The following NFATC4 variants were observed in gnomAD, a reference collection of about 807,000 sequenced individuals.
The protein encoded by NFATC4 is nuclear factor of activated T cells 4.
Under a neutral mutation model 73.4 loss-of-function variants are expected in NFATC4, and 25 were observed. The observed-to-expected ratio is 0.34, with a 90% CI of 0.25 to 0.48. The LOEUF (loss-of-function observed/expected upper bound fraction) is 0.48. Ranked by LOEUF, NFATC4 falls within the 20% of genes least tolerant of loss-of-function variation. The pLI is 0.99. For missense variants in NFATC4, 1,130 were observed against 1,203.7 expected, an observed-to-expected ratio of 0.94 and a Z score of 0.91; for synonymous variants, 523 against 510.3, an observed-to-expected ratio of 1.02 and a Z score of -0.34.
chr14:24,370,372 G>A lies in NFATC4; in HGVS notation c.974G>A (p.Ser325Asn), dbSNP rs764696807. The A allele has an allele frequency of 2.5e-6, 4 of 1,613,916 alleles. No homozygotes were observed. In the South Asian group the frequency reaches 4.4e-5, roughly 18 times the overall value. The part of the protein sequence containing the change: ...FDYVGAPPAE[S>N]IPQKTRRTSS... ...TATGTGGGGGCCCCACCAGCTGAGA[G>A]CATCCCTCAGAAGACACGGCGGACT... The change falls in exon 2 of 10, where the codon AGC becomes AAC. Residue 325 changes from serine (S) to asparagine (N), a missense_variant. Around this residue, in one of 3 missense-constraint regions of NFATC4, gnomAD observed 585 missense variants for 574.3 expected, o/e 1.02. Transcript: ENST00000250373.
chr14:24,377,972 T>A lies in NFATC4; in HGVS notation c.*267T>A. On this transcript the variant is annotated 3_prime_UTR_variant, in exon 10 of 10. Coordinates refer to ENST00000250373, the MANE Select transcript of NFATC4 (RefSeq NM_004554.5). This position sits in a 1 kb window ranked among gnomAD's most constrained non-coding sequence, Gnocchi z 4.2. Reference sequence around the variant, plus strand: ...GGCTAGGTGCCAGAATGGACTGGAGTGAAGGCGTGTCTAGAGTGTGGGCTG... The same window carrying A: ...GGCTAGGTGCCAGAATGGACTGGAGAGAAGGCGTGTCTAGAGTGTGGGCTG... 1 of 622,902 alleles carries A rather than the reference T, an allele frequency of 1.6e-6. No homozygotes were observed. Among genetic ancestry groups the A allele is most frequent in the Non-Finnish European group, 2.7e-6 (1 of 369,980 alleles). The allele number at this position is 622,902 out of a possible 1,614,324, so 38.6% of individuals were successfully genotyped here. A position where few individuals can be genotyped will look rare whatever the true frequency, so the allele number is the denominator to read the frequency against.
Position 24,369,787 on chromosome 14 carries a change from C to G in NFATC4, c.389C>G (p.Ala130Gly). 1 of 1,595,916 alleles carries G rather than the reference C, an allele frequency of 6.3e-7. No homozygotes were observed. Among genetic ancestry groups the G allele is most frequent in the South Asian group, 1.1e-5 (1 of 89,450 alleles). ...SISPTPEPPA[A>G]LEDNPDAWGD... Reference sequence around the variant, plus strand: ...TCTCCCACGCCGGAGCCGCCAGCAGCGCTGGAGGACAACCCTGATGCCTGG... The same window carrying G: ...TCTCCCACGCCGGAGCCGCCAGCAGGGCTGGAGGACAACCCTGATGCCTGG... The change falls in exon 2 of 10, where the codon GCG becomes GGG. Residue 130 changes from alanine to glycine, a missense_variant. This residue lies in a region of NFATC4 where 585 missense variants were observed against 574.3 expected (regional missense o/e 1.02). Coordinates refer to ENST00000250373, the MANE Select transcript of NFATC4 (RefSeq NM_004554.5).
In NFATC4 at chr14:24,377,310, T is replaced by G; in HGVS notation, c.2642-328T>G. On this transcript the variant is annotated intron_variant, in intron 9 of 9. Coordinates refer to ENST00000250373, the MANE Select transcript of NFATC4 (RefSeq NM_004554.5). This position sits in a 1 kb window ranked among gnomAD's most constrained non-coding sequence, Gnocchi z 4.2. ...GTGGTCAGGGTTGGTGAGGAGGAGC[T>G]TTCCTGTTTTGCCTCTCCTTCTTCC... 7.9e-7 allele frequency: 1 copy of G among 1,267,596 alleles called. No homozygotes were observed. The highest frequency in any genetic ancestry group is 9.9e-7 in the Non-Finnish European group (1 of 1,006,348). The allele number at this position is 1,267,596 out of a possible 1,614,324, so 78.5% of individuals were successfully genotyped here. A position where few individuals can be genotyped will look rare whatever the true frequency, so the allele number is the denominator to read the frequency against.
At position 24,376,231 on chromosome 14, in the gene NFATC4, G is replaced by A; in HGVS notation, c.2057-63G>A. ...CCTGGGAGGAGCAGGCAGCTGGAAG[G>A]TGTGCAGTGGGGAGACTACCAGACC... is the stretch of plus-strand genomic sequence containing the variant. On this transcript the variant is annotated intron_variant, in intron 8 of 9. Coordinates refer to ENST00000250373, the MANE Select transcript of NFATC4 (RefSeq NM_004554.5). This position sits in a 1 kb window ranked among gnomAD's most constrained non-coding sequence, Gnocchi z 5.0. 1 of 1,565,248 alleles carries A rather than the reference G, an allele frequency of 6.4e-7. No individual in the cohort carries two copies. Among genetic ancestry groups the A allele is most frequent in the Non-Finnish European group, 8.7e-7 (1 of 1,153,864 alleles).
At chr14:24,367,688 C>T (rs185408702), upstream of NFATC4, 3 of 1,532,422 alleles carry the variant, frequency 2.0e-6, no homozygotes, top group South Asian at 1.2e-5. Flanking sequence ...TTTCCTCTTC[C>T]GAGCAACTCG....
Position 24,368,414 on chromosome 14 carries a change from CGCTGGGCGCGGGGG to C in NFATC4, c.76_89del (p.Leu26IlefsTer106). 7.5e-7 allele frequency: 1 copy of C among 1,342,252 alleles called. No homozygotes were observed. The highest frequency in any genetic ancestry group is 2.2e-5 in the South Asian group (1 of 45,812). 83.1% of individuals were successfully genotyped at this position (1,342,252 alleles called of 1,614,324 possible). On this transcript the variant is annotated frameshift_variant, in exon 1 of 10. Transcript: ENST00000250373. LOFTEE classifies it high-confidence loss of function. ...TTCGGGGAGGAAAAGGAGGCCCCCC[CGCTGGGCGCGGGGG>C]GATTGGGGGAAGGTTAGTGCTGGGC...
At position 24,375,986 on chromosome 14, in the gene NFATC4, C is replaced by A. The variant is rs774361663; in HGVS notation, c.1941C>A (p.Thr647=). 6 of 1,613,990 alleles carry A rather than the reference C, an allele frequency of 3.7e-6. No homozygotes were observed. In the East Asian group the frequency reaches 6.7e-5, roughly 18 times the overall value. Residue 647 remains threonine, a synonymous_variant, in exon 8 of 10, where the codon ACC becomes ACA. Transcript: ENST00000250373. The part of the protein sequence containing the change: ...NRLQSNEVTL[T]LTVPEYSNKR... ...TTACTCTTCCCTAGGTGACGCTGACCCTGACTGTCCCCGAGTACAGCAACA... is the reference window on the plus strand; with the variant it reads ...TTACTCTTCCCTAGGTGACGCTGACACTGACTGTCCCCGAGTACAGCAACA...
At chr14:24,369,212 C>T in intron 1 of NFATC4, 1 of 1,531,022 alleles carries the variant, frequency 6.5e-7, no homozygotes, top group Non-Finnish European at 8.7e-7. Flanking sequence ...CAGGCCCAGC[C>T]CCAGCTCCAG....
rs1165677777 is a variant in NFATC4, at chr14:24,370,532, G to C, written c.1134G>C (p.Leu378=). The part of the protein sequence containing the change: ...SRKEVAGMDY[L]AVPSPLAWSK... ...AGGAGGTGGCTGGCATGGACTACCT[G>C]GCAGTGCCCTCCCCACTCGCTTGGT... The change falls in exon 2 of 10, where the codon CTG becomes CTC. Residue 378 remains leucine (L), a synonymous_variant. Transcript: ENST00000250373. 6.2e-7 allele frequency: 1 copy of C among 1,614,036 alleles called. No individual in the cohort carries two copies. The highest frequency in any genetic ancestry group is 1.7e-5 in the Admixed American group (1 of 60,020).
At chr14:24,375,759 G>GGGGGGGGGGGGCCC in intron 7 of NFATC4, 44 bp downstream of exon 7, 1 of 617,014 alleles carries the variant, frequency 1.6e-6, no homozygotes, top group Non-Finnish European at 3.0e-6. Context: ...GGGGGTGGGA[G>GGGGGGGGGGGGCCC]AAGGCAGGGG....
intron 1 of NFATC4, chr14:24,368,982 T>A: frequency 2.7e-6 from 3 of 1,097,680 alleles, no homozygotes; most frequent in Non-Finnish European, 3.4e-6. Context: ...CCAGCACGCA[T>A]CACCCCCTCG....
chr14:24,374,404 T>A lies in NFATC4; in HGVS notation c.1811T>A (p.Leu604Gln), dbSNP rs747869413. Residue 604 changes from leucine (L) to glutamine (Q), a missense_variant, in exon 6 of 10, where the codon CTG becomes CAG. Around this residue, in one of 3 missense-constraint regions of NFATC4, gnomAD observed 390 missense variants for 408.1 expected, o/e 0.96. Transcript: ENST00000250373. ...TGCTCTGTGAGAGGAGGCGAGGAAC[T>A]GGTACTGACTGGCTCCAACTTCCTG... ...SACSVRGGEELVLTGSNFLPD... is the reference protein window; with the variant it reads ...SACSVRGGEEQVLTGSNFLPD... 2.5e-6 allele frequency: 4 copies of A among 1,614,050 alleles called. No homozygotes were observed. The South Asian group carries it at 4.4e-5, about 18-fold the overall frequency.
At chr14:24,367,399 T>C, upstream of NFATC4, 1 of 1,535,664 alleles carries the variant, frequency 6.5e-7, no homozygotes, top group Non-Finnish European at 8.7e-7. Context: ...GGCTGCCAAC[T>C]TCCCGTGGAG....
rs752964036 is a variant in NFATC4 at position 24,376,654 on chromosome 14, C to T, written c.2417C>T (p.Ser806Phe). The change falls in exon 9 of 10, where the codon TCT becomes TTT. Residue 806 changes from serine (S) to phenylalanine (F), a missense_variant. Ser to Phe is a radical substitution (Grantham distance 155). Transcript: ENST00000250373. The surrounding 1 kb of genome is among the most constrained non-coding windows in gnomAD (Gnocchi z 5.0). The stretch of plus-strand genomic sequence containing the variant: ...TCTTTCTCCCTGGGGCTGCCATTCT[C>T]TCCGCCAGCCCCCTTTCGGCCGCCT... ...GSSFSLGLPF[S>F]PPAPFRPPPL... is the part of the protein sequence containing the mutation. The T allele has an allele frequency of 6.8e-6, 11 of 1,613,392 alleles. No individual in the cohort carries two copies. Among genetic ancestry groups the T allele is most frequent in the Non-Finnish European group, 9.3e-6 (11 of 1,179,804 alleles).
intron 2 of NFATC4, chr14:24,371,782 G>A (rs2042479559): frequency 6.6e-6 from 1 of 152,272 alleles, no homozygotes; most frequent in Non-Finnish European, 1.5e-5. Flanking sequence ...AACCTCCTGG[G>A]CTCAAGCAAT....
chr14:24,369,344 G>A (rs747383027), intron 1 of NFATC4, 155 bp from the exon 2 acceptor site: 2 of 1,598,080 alleles, frequency 1.3e-6, no homozygotes, highest in African/African-American at 2.7e-5. Context: ...ATCTTCCCAG[G>A]TCCAACTCTG....
At position 24,370,093 on chromosome 14, in the gene NFATC4, G is replaced by A. The variant is rs778207783; in HGVS notation, c.695G>A (p.Ser232Asn). The change falls in exon 2 of 10, where the codon AGC (serine) becomes AAC (asparagine). Residue 232 changes from serine to asparagine, a missense_variant. This residue lies in a region of NFATC4 where 585 missense variants were observed against 574.3 expected (regional missense o/e 1.02). Transcript: ENST00000250373. ...PRPWTPEDPW[S>N]LYGPSPGGRG... ...CCATGGACCCCCGAAGATCCCTGGAGCCTGTATGGTCCAAGCCCCGGAGGC... is the reference window on the plus strand; with the variant it reads ...CCATGGACCCCCGAAGATCCCTGGAACCTGTATGGTCCAAGCCCCGGAGGC... 1.2e-6 allele frequency: 2 copies of A among 1,604,808 alleles called. No homozygotes were observed. The highest frequency in any genetic ancestry group is 1.1e-5 in the South Asian group (1 of 91,044).
rs2042501184 is a variant in NFATC4 at position 24,372,542 on chromosome 14, A to G, written c.1298A>G (p.Tyr433Cys). ...VQPRAHHRAH[Y>C]ETEGSRGAVK... is the part of the protein sequence containing the mutation. The stretch of plus-strand genomic sequence containing the variant: ...CCTAGAGCCCACCACCGGGCCCACT[A>G]TGAGACAGAAGGCAGCCGTGGAGCT... Residue 433 changes from tyrosine (Y) to cysteine (C), a missense_variant, in exon 3 of 10, where the codon TAT becomes TGT. Transcript: ENST00000250373. 1 of 1,614,122 alleles carries G rather than the reference A, an allele frequency of 6.2e-7. No individual in the cohort carries two copies.
intron 3 of NFATC4, chr14:24,372,896 T>C: frequency 1.7e-6 from 1 of 597,122 alleles, no homozygotes; most frequent in Non-Finnish European, 2.9e-6. Context: ...CAAAAGTCAC[T>C]GGGAGTTAAG....
Sources: gnomAD v4.1 joint callset for allele counts on GRCh38, gnomAD v4.1.1 for gene constraint, gnomAD v4.1.1 regional missense constraint, Gnocchi (gnomAD v3.1) non-coding constraint, MANE v1.5 for transcripts, NCBI Gene and HGNC (gene_info 2026-07-23, HGNC 2026-07-21) for gene names.